The following XPO4 variants were observed in gnomAD, a reference collection of about 807,000 sequenced individuals.
The protein encoded by XPO4 is exportin-4.
In XPO4, 39 loss-of-function variants were observed where a neutral mutation model predicts 143.0. That is an observed-to-expected ratio of 0.27 (90% CI 0.21 to 0.36). The LOEUF (loss-of-function observed/expected upper bound fraction) is 0.36, where lower values mean the gene tolerates loss of function less well. Ranked by LOEUF, XPO4 falls within the 10% of genes least tolerant of loss-of-function variation. XPO4 has a pLI of 1.00. For synonymous variants in XPO4, 439 were observed against 474.0 expected (o/e 0.93, Z 0.96); for missense variants, 907 against 1,348.0 (o/e 0.67, Z 5.12).
At chr13:20,850,514 T>C (rs2060073897) in intron 4 of XPO4, among the ~76,000 whole-genome samples, 1 of 152,126 alleles carries the variant, frequency 6.6e-6, no homozygotes, top group Non-Finnish European at 1.5e-5. Flanking sequence ...ACGTGGTGGC[T>C]CACACCTATA....
At position 20,809,801 on chromosome 13, in the gene XPO4, G is replaced by A. The variant is rs992864048; in HGVS notation, c.1340C>T (p.Thr447Ile). 7 of 1,606,194 alleles carry A rather than the reference G, an allele frequency of 4.4e-6. No individual in the cohort carries two copies. Among genetic ancestry groups the A allele is most frequent in the Non-Finnish European group, 5.9e-6 (7 of 1,177,044 alleles). Residue 447 changes from threonine (T) to isoleucine (I), a missense_variant, in exon 10 of 23, where the codon ACA (threonine) becomes ATA (isoleucine). By Grantham distance (89) the Thr-to-Ile change is moderately conservative. Transcript: ENST00000255305. ...TTGCTTAAAACTCACCAAATTTCTTGTGCCATCTGGAGCAGCTAGGTGGCA... is the reference window on the plus strand; with the variant it reads ...TTGCTTAAAACTCACCAAATTTCTTATGCCATCTGGAGCAGCTAGGTGGCA... ...IQCHLAAPDG[T>I]RNLTANGVAS...
rs556350214 is a variant in XPO4, at chr13:20,788,347, G to A, written c.3047+139C>T. 1.3e-3 allele frequency: 1,530 copies of A among 1,169,846 alleles called. 22 individuals are homozygous for A. In the South Asian group the frequency reaches 0.021, roughly 16 times the overall value. 72.5% of individuals were successfully genotyped at this position (1,169,846 alleles called of 1,614,324 possible). A position where few individuals can be genotyped will look rare whatever the true frequency, so the allele number is the denominator to read the frequency against. ...GCTGGAATTACAGGTGTGAGCCACCGTGCCTGGCCCAGGGTTTTTTAAGAA... is the reference window on the plus strand; with the variant it reads ...GCTGGAATTACAGGTGTGAGCCACCATGCCTGGCCCAGGGTTTTTTAAGAA... On this transcript the variant is annotated intron_variant, in intron 20 of 22. Coordinates refer to ENST00000255305, the MANE Select transcript of XPO4 (RefSeq NM_022459.5).
chr13:20,832,549 G>A (rs894195636), intron 6 of XPO4, among the ~76,000 whole-genome samples: 1 of 152,088 alleles, frequency 6.6e-6, no homozygotes, highest in African/African-American at 2.4e-5. Flanking sequence ...AGTAATAAAT[G>A]CTTTACTCCC....
chr13:20,832,365 A>C (rs1490347043), intron 6 of XPO4, among the ~76,000 whole-genome samples: 1 of 152,216 alleles, frequency 6.6e-6, no homozygotes, highest in African/African-American at 2.4e-5. Flanking sequence ...CACTTTCAGT[A>C]AGGGTATCGT....
At chr13:20,863,604 T>G (rs2060220530) in intron 2 of XPO4, among the ~76,000 whole-genome samples, 1 of 152,196 alleles carries the variant, frequency 6.6e-6, no homozygotes, top group Non-Finnish European at 1.5e-5. Flanking sequence ...TTCTATTTTT[T>G]CCTTTATTCA....
chr13:20,787,441 A>G (rs1212871032), intron 21 of XPO4, 40 bp downstream of exon 21: 2 of 1,572,050 alleles, frequency 1.3e-6, no homozygotes, highest in South Asian at 2.2e-5. Context: ...CACACTTTTG[A>G]AAGTAGCTGA....
Position 20,802,505 on chromosome 13 carries a change from T to C in XPO4, c.1818-1515A>G, listed in dbSNP as rs554292460. Reference sequence around the variant, plus strand: ...CAGTAATACATTTAAGTTGTAGATATGTCAAAATTCCTGGTAAGATTAAAT... The same window carrying C: ...CAGTAATACATTTAAGTTGTAGATACGTCAAAATTCCTGGTAAGATTAAAT... On this transcript the variant is annotated intron_variant, in intron 13 of 22. Transcript: ENST00000255305. Among the ~76,000 whole-genome samples, 3 of 152,340 alleles carry C rather than the reference T, an allele frequency of 2.0e-5. No individual in the cohort carries two copies. In the South Asian group the frequency reaches 6.2e-4, roughly 32 times the overall value.
At position 20,799,174 on chromosome 13, in the gene XPO4, A is replaced by G. The variant is rs1231644176; in HGVS notation, c.2313T>C (p.Tyr771=). 32 of 1,607,132 alleles carry G rather than the reference A, an allele frequency of 2.0e-5. No homozygotes were observed. Among genetic ancestry groups the G allele is most frequent in the Non-Finnish European group, 2.2e-5 (26 of 1,175,148 alleles). Residue 771 remains tyrosine, a synonymous_variant, in exon 16 of 23, where the codon TAT becomes TAC. Transcript: ENST00000255305. ...AHMDTETKQQ[Y]WTEVLQPLQQ... ...TAGACAGCACTGTTACCTCTGTCCAATACTGCTGTTTGGTTTCTGTGTCCA... is the reference window on the plus strand; with the variant it reads ...TAGACAGCACTGTTACCTCTGTCCAGTACTGCTGTTTGGTTTCTGTGTCCA...
At chr13:20,815,232 C>T (rs924011365) in intron 9 of XPO4, among the ~76,000 whole-genome samples, 2 of 152,108 alleles carry the variant, frequency 1.3e-5, no homozygotes, top group African/African-American at 4.8e-5. Context: ...TGTATGATAC[C>T]TTAATGATGG....
rs1291799399 is a variant in XPO4 at position 20,777,878 on chromosome 13, G to C, written c.*5844C>G. The C allele has an allele frequency of 1.3e-5, 2 of 152,136 alleles. No homozygotes were observed. The highest frequency in any genetic ancestry group is 3.9e-4 in the East Asian group (2 of 5,192). 9.4% of individuals were successfully genotyped at this position (152,136 alleles called of 1,614,324 possible). A position where few individuals can be genotyped will look rare whatever the true frequency, so the allele number is the denominator to read the frequency against. On this transcript the variant is annotated 3_prime_UTR_variant, in exon 23 of 23. Coordinates refer to ENST00000255305, the MANE Select transcript of XPO4 (RefSeq NM_022459.5). ...CCAGACTGAGACAGGATGCTGCTGG[G>C]GGTGCTGTATGGAATTTCCCAGCAA...
At chr13:20,795,978 G>C (rs138743626) in intron 18 of XPO4, 98 bp downstream of exon 18, 6 of 1,273,066 alleles carry the variant, frequency 4.7e-6, no homozygotes, top group East Asian at 4.7e-5. Flanking sequence ...TCCATAAATT[G>C]AATTTCCTCA....
chr13:20,793,367 T>C (rs901529657), intron 18 of XPO4, among the ~76,000 whole-genome samples: 1 of 152,236 alleles, frequency 6.6e-6, no homozygotes, highest in African/African-American at 2.4e-5. Flanking sequence ...ATTTCTTTTC[T>C]TAACCTTATT....
chr13:20,794,112 T>G (rs1280600187), intron 18 of XPO4, among the ~76,000 whole-genome samples: 1 of 152,196 alleles, frequency 6.6e-6, no homozygotes, highest in African/African-American at 2.4e-5. Context: ...AAATGTGGAC[T>G]GTCCCTTCTC....
Position 20,780,561 on chromosome 13 carries a change from T to G in XPO4, c.*3161A>C, listed in dbSNP as rs183410606. Reference sequence around the variant, plus strand: ...ATACTTGCTTTTCAAATGAAAATCATGGACAAGTGGTAGTAACCATCCCAT... The same window carrying G: ...ATACTTGCTTTTCAAATGAAAATCAGGGACAAGTGGTAGTAACCATCCCAT... On this transcript the variant is annotated 3_prime_UTR_variant, in exon 23 of 23. Coordinates refer to ENST00000255305, the MANE Select transcript of XPO4 (RefSeq NM_022459.5). 6.6e-6 allele frequency: 1 copy of G among 152,298 alleles called. No individual in the cohort carries two copies. Among genetic ancestry groups the G allele is most frequent in the East Asian group, 1.9e-4 (1 of 5,184 alleles). 9.4% of individuals were successfully genotyped at this position (152,298 alleles called of 1,614,324 possible). A position where few individuals can be genotyped will look rare whatever the true frequency, so the allele number is the denominator to read the frequency against.
chr13:20,883,094 C>A (rs1436727109), intron 1 of XPO4, among the ~76,000 whole-genome samples: 1 of 152,228 alleles, frequency 6.6e-6, no homozygotes, highest in Non-Finnish European at 1.5e-5. Flanking sequence ...CTCCACTATC[C>A]CGCCCTGCCC....
At chr13:20,901,549 G>A (rs2060620924) in intron 1 of XPO4, among the ~76,000 whole-genome samples, 1 of 152,288 alleles carries the variant, frequency 6.6e-6, no homozygotes, top group South Asian at 2.1e-4. Context: ...TCTGTTTTGT[G>A]ACAAAACGTA....
In XPO4 at chr13:20,885,616, C is replaced by T. The variant is rs537371589; in HGVS notation, c.70-16915G>A. On this transcript the variant is annotated intron_variant, in intron 1 of 22. Coordinates refer to ENST00000255305, the MANE Select transcript of XPO4 (RefSeq NM_022459.5). ...CTGTTTATAAGAAATGCATATAAAACTCAAGGGCATGGAAAGGTTGAAAGC... is the reference window on the plus strand; with the variant it reads ...CTGTTTATAAGAAATGCATATAAAATTCAAGGGCATGGAAAGGTTGAAAGC... 7.9e-5 allele frequency among the ~76,000 whole-genome samples: 12 copies of T among 152,078 alleles called. No homozygotes were observed. The East Asian group carries it at 2.3e-3, about 29-fold the overall frequency.
At chr13:20,824,254 C>T (rs551691620) in intron 7 of XPO4, among the ~76,000 whole-genome samples, 1 of 151,326 alleles carries the variant, frequency 6.6e-6, no homozygotes, top group South Asian at 2.1e-4. Flanking sequence ...GAACACAACT[C>T]ACTCTTATAA....
chr13:20,826,114 T>G (rs1329100856), intron 7 of XPO4, among the ~76,000 whole-genome samples: 1 of 152,206 alleles, frequency 6.6e-6, no homozygotes, highest in African/African-American at 2.4e-5. Flanking sequence ...AACTTGTATA[T>G]TCCCCCTATA....
Sources: gnomAD v4.1 joint callset for allele counts (sites outside exome capture counted in the v4.1 genomes callset) on GRCh38, gnomAD v4.1.1 for gene constraint, MANE v1.5 for transcripts, NCBI Gene and HGNC (gene_info 2026-07-23, HGNC 2026-07-21) for gene names.